Variants in SORL1 observed in about 807,000 individuals in gnomAD.
SORL1 encodes sortilin-related receptor.
A neutral mutation model predicts 273.7 loss-of-function variants in SORL1; 127 were observed. The observed-to-expected ratio is 0.46, with a 90% CI of 0.40 to 0.54. The LOEUF (loss-of-function observed/expected upper bound fraction) is 0.54. Among genes scored for constraint, SORL1 ranks in the 20% least tolerant of loss-of-function variants. The pLI, the probability that SORL1 is intolerant of heterozygous loss-of-function variation, is 0.00. For missense variants in SORL1, 2,494 were observed against 2,846.1 expected (o/e 0.88, Z 2.81); for synonymous variants, 1,031 against 1,067.4 (o/e 0.97, Z 0.66).
chr11:121,502,124 CTTTTTTTT>C (rs57842880), intron 6 of SORL1, among the ~76,000 whole-genome samples: 2 of 65,176 alleles, frequency 3.1e-5, no homozygotes, highest in African/African-American at 1.1e-4. Context: ...TGTGACAATT[CTTTTTTTT>C]TTTTTTTTTT....
At chr11:121,488,556 T>C (rs676759) in intron 4 of SORL1, among the ~76,000 whole-genome samples, 56,687 of 151,978 alleles carry the variant, frequency 0.37, 10,940 homozygotes, top group East Asian at 0.55. Context: ...TCAGGGACCT[T>C]TTGTTGAATT....
chr11:121,459,516 G>A (rs1344869000), intron 1 of SORL1, among the ~76,000 whole-genome samples: 2 of 152,220 alleles, frequency 1.3e-5, no homozygotes, highest in African/African-American at 2.4e-5. Context: ...AAGTGGGTCC[G>A]GTGGTTGGCT....
intron 1 of SORL1, among the ~76,000 whole-genome samples, chr11:121,460,432 C>T (rs551917699): frequency 5.4e-5 from 8 of 147,180 alleles, no homozygotes; most frequent in South Asian, 4.3e-4. Context: ...AGTCTCGCTC[C>T]GTCACCCAGC....
chr11:121,596,523 G>A lies in SORL1; in HGVS notation c.4519+751G>A, dbSNP rs547986020. Among the ~76,000 whole-genome samples, 32 of 152,300 alleles carry A rather than the reference G, an allele frequency of 2.1e-4. No individual in the cohort carries two copies. In the East Asian group the frequency reaches 3.9e-3, roughly 18 times the overall value. Reference sequence around the variant, plus strand: ...CAGACTTGGGAGGGCATGGCTGGACGGTGCTTATGCAGCCCCCCACCGGCC... The same window carrying A: ...CAGACTTGGGAGGGCATGGCTGGACAGTGCTTATGCAGCCCCCCACCGGCC... On this transcript the variant is annotated intron_variant, in intron 32 of 47. Transcript: ENST00000260197. The surrounding 1 kb of genome is among the most constrained non-coding windows in gnomAD (Gnocchi z 4.3).
Position 121,497,028 on chromosome 11 carries a change from C to T in SORL1, c.918C>T (p.Tyr306=), listed in dbSNP as rs1425794517. The T allele has an allele frequency of 1.2e-6, 2 of 1,613,766 alleles. No individual in the cohort carries two copies. Among genetic ancestry groups the T allele is most frequent in the Admixed American group, 1.7e-5 (1 of 59,982 alleles). Residue 306 remains tyrosine, a synonymous_variant, in exon 6 of 48, where the codon TAC becomes TAT. Transcript: ENST00000260197. ...EVRDFQLRDK[Y]MFATKVVHLL... ...GAGATTTTCAGCTTCGGGACAAGTA[C>T]ATGTTTGCTACAAAGGTGGTGGTAA...
Position 121,618,235 on chromosome 11 carries a change from G to A in SORL1, c.5605-539G>A, listed in dbSNP as rs570346949. 5.9e-5 allele frequency among the ~76,000 whole-genome samples: 9 copies of A among 152,356 alleles called. No individual in the cohort carries two copies. In the South Asian group the frequency reaches 1.9e-3, roughly 32 times the overall value. ...GCAGCAATTCTCAATCAGAACCAGAGTTCTGAGGAAGAAAGGGAGGATGGG... is the reference window on the plus strand; with the variant it reads ...GCAGCAATTCTCAATCAGAACCAGAATTCTGAGGAAGAAAGGGAGGATGGG... On this transcript the variant is annotated intron_variant, in intron 41 of 47. Coordinates refer to ENST00000260197, the MANE Select transcript of SORL1 (RefSeq NM_003105.6).
intron 6 of SORL1, among the ~76,000 whole-genome samples, chr11:121,498,272 G>A (rs1370297395): frequency 6.6e-6 from 1 of 152,202 alleles, no homozygotes; most frequent in Non-Finnish European, 1.5e-5. Flanking sequence ...TTTGGGCAGG[G>A]ATGGGGTGAT....
At chr11:121,506,894 C>CT (rs947572565) in intron 6 of SORL1, among the ~76,000 whole-genome samples, 8 of 152,008 alleles carry the variant, frequency 5.3e-5, no homozygotes, top group Admixed American at 4.6e-4. Context: ...TCATTACTGC[C>CT]TTTTTTTGTA....
At chr11:121,462,240 A>G (rs943434221) in intron 1 of SORL1, among the ~76,000 whole-genome samples, 5 of 152,198 alleles carry the variant, frequency 3.3e-5, no homozygotes, top group African/African-American at 1.2e-4. Context: ...GAGATCTCAC[A>G]TAATTCCACT....
At chr11:121,521,553 T>G (rs1328663085) in intron 9 of SORL1, among the ~76,000 whole-genome samples, 1 of 152,236 alleles carries the variant, frequency 6.6e-6, no homozygotes, top group African/African-American at 2.4e-5. Flanking sequence ...GGTTTCTTCT[T>G]CTGAGTTTAG....
At position 121,532,531 on chromosome 11, in the gene SORL1, G is replaced by A; in HGVS notation, c.1664G>A (p.Gly555Asp). 1 of 1,614,066 alleles carries A rather than the reference G, an allele frequency of 6.2e-7. No individual in the cohort carries two copies. ...HGGIITAIAQ[G>D]METNELKYST... ...GGAATCATCACGGCCATTGCCCAGG[G>A]CATGGAAACCAACGAGCTAAAGTAA... Residue 555 changes from glycine (G) to aspartate (D), a missense_variant, in exon 12 of 48, where the codon GGC becomes GAC. Around this residue, in one of 3 missense-constraint regions of SORL1, gnomAD observed 710 missense variants for 882.5 expected, o/e 0.80. Transcript: ENST00000260197.
Position 121,614,660 on chromosome 11 carries a change from AT to A in SORL1, c.5420-209del. On this transcript the variant is annotated intron_variant, in intron 40 of 47. Coordinates refer to ENST00000260197, the MANE Select transcript of SORL1 (RefSeq NM_003105.6). Reference sequence around the variant, plus strand: ...TCCGCGGATGGGCAGCTTTAAAGAAATTACCCAGTGCTTGTGCAGTGTGTTA... The same window carrying A: ...TCCGCGGATGGGCAGCTTTAAAGAAATACCCAGTGCTTGTGCAGTGTGTTA... 6.1e-6 allele frequency: 3 copies of A among 490,656 alleles called. 1 individual carries two copies. In the South Asian group the frequency reaches 8.4e-5, roughly 14 times the overall value. 30.4% of individuals were successfully genotyped at this position (490,656 alleles called of 1,614,324 possible).
chr11:121,589,893 T>C (rs1281201842), intron 29 of SORL1, 147 bp from the exon 30 acceptor site: 7 of 879,376 alleles, frequency 8.0e-6, no homozygotes, highest in East Asian at 2.4e-5. Flanking sequence ...TTGTTCCCCA[T>C]TGGGTCCATG....
Position 121,554,519 on chromosome 11 carries a change from G to A in SORL1, c.2439+410G>A, listed in dbSNP as rs1862549644. 6.6e-6 allele frequency among the ~76,000 whole-genome samples: 1 copy of A among 152,206 alleles called. No individual in the cohort carries two copies. Among genetic ancestry groups the A allele is most frequent in the Non-Finnish European group, 1.5e-5 (1 of 68,040 alleles). On this transcript the variant is annotated intron_variant, in intron 17 of 47. Transcript: ENST00000260197. The surrounding 1 kb of genome is among the most constrained non-coding windows in gnomAD (Gnocchi z 4.6). ...ATCCACTTCAGCTGTTCTGAACACA[G>A]GTAAGAACCAGGAAGTAAGCATTAA...
chr11:121,600,638 G>A (rs763898817), intron 32 of SORL1, among the ~76,000 whole-genome samples: 1 of 152,236 alleles, frequency 6.6e-6, no homozygotes, highest in Non-Finnish European at 1.5e-5. Context: ...CTTATTCACA[G>A]GGATGTTGCC....
rs750166670 is a variant in SORL1 at position 121,618,818 on chromosome 11, C to T, written c.5649C>T (p.Arg1883=). The change falls in exon 42 of 48, where the codon CGC becomes CGT. Residue 1883 remains arginine (R), a synonymous_variant. Transcript: ENST00000260197. ...CCACGTCCTTTCTTGACCTCTATCG[C>T]AACCCGAAGAGCTTGACTACTTCAC... The part of the protein sequence containing the change: ...FYATSFLDLY[R]NPKSLTTSLH... The T allele has an allele frequency of 6.2e-7, 1 of 1,614,084 alleles. No individual in the cohort carries two copies. Among genetic ancestry groups the T allele is most frequent in the Non-Finnish European group, 8.5e-7 (1 of 1,179,916 alleles).
chr11:121,561,631 GT>G (rs1862676295), intron 21 of SORL1, among the ~76,000 whole-genome samples: 1 of 141,454 alleles, frequency 7.1e-6, no homozygotes, highest in Non-Finnish European at 1.5e-5. Flanking sequence ...TGAGGCTGCA[GT>G]TAGCCAAGGT....
chr11:121,608,748 G>A (rs1457039102), intron 38 of SORL1: 1 of 153,032 alleles, frequency 6.5e-6, no homozygotes, highest in African/African-American at 2.4e-5. Context: ...GAACTGGAAT[G>A]AGGTTATGTC....
chr11:121,514,783 A>G (rs1315068229), intron 8 of SORL1, among the ~76,000 whole-genome samples: 2 of 152,188 alleles, frequency 1.3e-5, no homozygotes, highest in African/African-American at 2.4e-5. Context: ...AAAGGCACCA[A>G]CGTCATTGAT....
Sources: gnomAD v4.1 joint callset for allele counts (sites outside exome capture counted in the v4.1 genomes callset) on GRCh38, gnomAD v4.1.1 for gene constraint, gnomAD v4.1.1 regional missense constraint, Gnocchi (gnomAD v3.1) non-coding constraint, MANE v1.5 for transcripts, NCBI Gene and HGNC (gene_info 2026-07-23, HGNC 2026-07-21) for gene names.